RIN2: variants seen among roughly 807,000 people sequenced by gnomAD.
RIN2 encodes RAB5 interacting protein 2.
In RIN2, 36 loss-of-function variants were observed where a neutral mutation model predicts 78.0. The observed-to-expected ratio is 0.46, with a 90% CI of 0.35 to 0.61. The LOEUF is 0.61. Among genes scored for constraint, RIN2 ranks in the 20% least tolerant of loss-of-function variants. The probability of loss-of-function intolerance (pLI) is 0.00; values close to 1 mark genes in which losing one functional copy is unlikely to be tolerated. For synonymous variants in RIN2, 466 were observed against 466.8 expected (o/e 1.00, Z 0.02); for missense variants, 1,087 against 1,159.7 (o/e 0.94, Z 0.91).
Position 20,000,672 on chromosome 20 carries a change from T to C in RIN2, c.2424T>C (p.Leu808=), listed in dbSNP as rs752224835. Residue 808 remains leucine (L), a synonymous_variant, in exon 13 of 13, where the codon CTT becomes CTC. Transcript: ENST00000255006. ...GTGGTTGCACAGGAAAGACCCTCCT[T>C]GTGAGACCTTACATCACCACTGAGG... ...VNSGCTGKTL[L]VRPYITTEDV... The C allele has an allele frequency of 1.2e-6, 2 of 1,613,134 alleles. No individual in the cohort carries two copies. Among genetic ancestry groups the C allele is most frequent in the East Asian group, 4.5e-5 (2 of 44,866 alleles).
chr20:19,860,313 T>G (rs1402604502), intron 2 of RIN2, among the ~76,000 whole-genome samples: 3 of 150,296 alleles, frequency 2.0e-5, no homozygotes, highest in Non-Finnish European at 1.5e-5. Context: ...TTGTTTGTTT[T>G]TTTGTTTTGT....
At chr20:19,954,991 G>T (rs1350794287) in intron 4 of RIN2, among the ~76,000 whole-genome samples, 5 of 152,144 alleles carry the variant, frequency 3.3e-5, no homozygotes, top group Non-Finnish European at 7.3e-5. Flanking sequence ...CTTTTAATGT[G>T]CATGATTCGC....
At chr20:19,864,824 T>C (rs2037451352) in intron 2 of RIN2, among the ~76,000 whole-genome samples, 1 of 152,228 alleles carries the variant, frequency 6.6e-6, no homozygotes, top group South Asian at 2.1e-4. Flanking sequence ...TTTGGAGTTG[T>C]TCTCTACCAG....
chr20:19,996,906 C>T, intron 12 of RIN2, 64 bp downstream of exon 12: 2 of 1,468,742 alleles, frequency 1.4e-6, no homozygotes, highest in Non-Finnish European at 1.8e-6. Context: ...GCTCACCCAG[C>T]ACATCCCAGC....
chr20:19,917,978 A>G (rs1490871415), intron 3 of RIN2, among the ~76,000 whole-genome samples: 1 of 152,218 alleles, frequency 6.6e-6, no homozygotes, highest in African/African-American at 2.4e-5. Context: ...AACAGTTTTC[A>G]TACTTTAATG....
intron 4 of RIN2, among the ~76,000 whole-genome samples, chr20:19,936,718 T>C (rs1038865186): frequency 9.9e-5 from 15 of 152,238 alleles, no homozygotes; most frequent in Admixed American, 2.6e-4. Flanking sequence ...GGTTGCTTAA[T>C]CTTTAACATT....
chr20:19,848,095 G>T (rs1437352127), intron 2 of RIN2, among the ~76,000 whole-genome samples: 1 of 152,134 alleles, frequency 6.6e-6, no homozygotes, highest in Non-Finnish European at 1.5e-5. Context: ...GGGAGGGAGG[G>T]GACATTGAGG....
At chr20:19,792,531 G>A (rs558319736) in intron 1 of RIN2, among the ~76,000 whole-genome samples, 207 of 152,266 alleles carry the variant, frequency 1.4e-3, no homozygotes, top group African/African-American at 4.8e-3. Flanking sequence ...AGTGAGGGAA[G>A]CAAAGCTCAC....
At chr20:19,778,576 GAAGTGCTGACTGCA>G (rs2034392491) in intron 1 of RIN2, among the ~76,000 whole-genome samples, 1 of 152,210 alleles carries the variant, frequency 6.6e-6, no homozygotes, top group Non-Finnish European at 1.5e-5. Flanking sequence ...TTTGGAACCA[GAAGTGCTGACTGCA>G]AAGCCCAGCA....
intron 2 of RIN2, among the ~76,000 whole-genome samples, chr20:19,850,295 C>T (rs2036919076): frequency 6.6e-6 from 1 of 152,038 alleles, no homozygotes; most frequent in Non-Finnish European, 1.5e-5. Context: ...CTGGAGGACA[C>T]GGGGGAGGGG....
At chr20:19,899,051 A>T (rs951052113) in intron 3 of RIN2, among the ~76,000 whole-genome samples, 5 of 152,318 alleles carry the variant, frequency 3.3e-5, no homozygotes, top group Admixed American at 3.3e-4. Context: ...ATCTATTTCC[A>T]AGTCTGAGTG....
At chr20:19,944,494 C>T (rs1703356017) in intron 4 of RIN2, among the ~76,000 whole-genome samples, 1 of 152,164 alleles carries the variant, frequency 6.6e-6, no homozygotes, top group Non-Finnish European at 1.5e-5. Flanking sequence ...TAAGATGACC[C>T]CTGCATTGGC....
chr20:19,763,694 G>C (rs1054188593), intron 1 of RIN2, among the ~76,000 whole-genome samples: 1 of 152,162 alleles, frequency 6.6e-6, no homozygotes, highest in Admixed American at 6.6e-5. Context: ...GCCTGTGTGA[G>C]ATGTCTTATT....
intron 2 of RIN2, among the ~76,000 whole-genome samples, chr20:19,802,402 A>G (rs1445231948): frequency 1.3e-5 from 2 of 151,956 alleles, no homozygotes; most frequent in African/African-American, 4.8e-5. Flanking sequence ...TGGGAGGCCA[A>G]GGCAGGAGGA....
intron 2 of RIN2, among the ~76,000 whole-genome samples, chr20:19,885,715 A>T (rs1224614243): frequency 1.3e-5 from 2 of 152,104 alleles, no homozygotes; most frequent in East Asian, 3.9e-4. Flanking sequence ...AAAGAAAAGA[A>T]AATTTTCGAA....
At chr20:19,823,334 T>G (rs963397439) in intron 2 of RIN2, 1 of 597,482 alleles carries the variant, frequency 1.7e-6, no homozygotes, top group Non-Finnish European at 2.9e-6. Context: ...CTTTCGTGGC[T>G]GTTTGTCATT....
chr20:19,968,585 C>A (rs907794103), intron 7 of RIN2, among the ~76,000 whole-genome samples: 5 of 152,112 alleles, frequency 3.3e-5, no homozygotes, highest in African/African-American at 1.2e-4. Flanking sequence ...AGCCTGAAAC[C>A]ATCCATTAAC....
intron 12 of RIN2, among the ~76,000 whole-genome samples, chr20:19,997,785 C>T (rs2043017593): frequency 1.3e-5 from 2 of 152,006 alleles, no homozygotes; most frequent in Admixed American, 6.6e-5. Flanking sequence ...AATCCTTACC[C>T]AACACAATTC....
intron 2 of RIN2, among the ~76,000 whole-genome samples, chr20:19,883,377 T>C (rs2038086340): frequency 6.6e-6 from 1 of 151,144 alleles, no homozygotes; most frequent in Non-Finnish European, 1.5e-5. Context: ...TCTCTCTCTG[T>C]TACCCAGGCT....
Sources: allele counts gnomAD v4.1 joint callset (sites outside exome capture counted in the v4.1 genomes callset), GRCh38; gene constraint gnomAD v4.1.1; transcripts MANE v1.5; gene names NCBI Gene and HGNC (gene_info 2026-07-23, HGNC 2026-07-21).